The following SNX3 variants were observed in gnomAD, a reference collection of about 807,000 sequenced individuals.
SNX3 encodes sorting nexin-3.
A neutral mutation model predicts 17.7 loss-of-function variants in SNX3; 5 were observed. The observed-to-expected ratio is 0.28, with a 90% CI of 0.15 to 0.59. SNX3 has a LOEUF of 0.59. Ranked by LOEUF, SNX3 falls within the 20% of genes least tolerant of loss-of-function variation. SNX3 has a pLI of 0.88. For missense variants in SNX3, 132 were observed against 206.8 expected (o/e 0.64, Z 2.22); for synonymous variants, 91 against 76.5 (o/e 1.19, Z -0.99).
intron 1 of SNX3, among the ~76,000 whole-genome samples, chr6:108,224,120 C>T (rs1401934165): frequency 6.6e-6 from 1 of 152,044 alleles, no homozygotes; most frequent in Non-Finnish European, 1.5e-5. Flanking sequence ...TATCACACTG[C>T]CCGTTGATGT....
At chr6:108,248,881 C>G (rs1309667776) in intron 1 of SNX3, among the ~76,000 whole-genome samples, 1 of 152,086 alleles carries the variant, frequency 6.6e-6, no homozygotes, top group African/African-American at 2.4e-5. Context: ...CCACCTCAAC[C>G]TCCTGAGTAG....
intron 2 of SNX3, chr6:108,222,364 T>G (rs889478896): frequency 3.9e-5 from 51 of 1,300,448 alleles, no homozygotes; most frequent in Non-Finnish European, 5.1e-5. Context: ...TTAATTTATT[T>G]TGATGCCAAA....
chr6:108,235,671 G>C (rs1775306021), intron 1 of SNX3, among the ~76,000 whole-genome samples: 1 of 152,164 alleles, frequency 6.6e-6, no homozygotes, highest in Non-Finnish European at 1.5e-5. Flanking sequence ...CGAGGTGGGT[G>C]AATCACTTGA....
chr6:108,212,102 G>T lies in SNX3; in HGVS notation c.*47C>A. ...TAAAAGTTAGAACTTCTTCACTGGT[G>T]CTTATCAATCATTAATAGTCACGTT... On this transcript the variant is annotated 3_prime_UTR_variant, in exon 4 of 4. Transcript: ENST00000230085. 1.0e-6 allele frequency: 1 copy of T among 983,352 alleles called. No individual in the cohort carries two copies. The highest frequency in any genetic ancestry group is 1.6e-6 in the Non-Finnish European group (1 of 631,442). The allele number at this position is 983,352 out of a possible 1,614,324, so 60.9% of individuals were successfully genotyped here. A position where few individuals can be genotyped will look rare whatever the true frequency, so the allele number is the denominator to read the frequency against.
intron 1 of SNX3, among the ~76,000 whole-genome samples, chr6:108,249,036 T>A (rs1384500957): frequency 6.6e-6 from 1 of 152,168 alleles, no homozygotes; most frequent in African/African-American, 2.4e-5. Context: ...CATTGCCATA[T>A]TACATAGGGG....
chr6:108,223,894 C>G (rs1465567614), intron 1 of SNX3, among the ~76,000 whole-genome samples: 1 of 152,122 alleles, frequency 6.6e-6, no homozygotes, highest in Non-Finnish European at 1.5e-5. Context: ...AGGATATTTA[C>G]ATAAATGTAG....
chr6:108,247,303 G>A (rs1775720417), intron 1 of SNX3, among the ~76,000 whole-genome samples: 1 of 152,016 alleles, frequency 6.6e-6, no homozygotes, highest in African/African-American at 2.4e-5. Flanking sequence ...TGTGAAAATG[G>A]AGTAAGACAG....
At chr6:108,228,933 T>C (rs1183883103) in intron 1 of SNX3, among the ~76,000 whole-genome samples, 2 of 152,168 alleles carry the variant, frequency 1.3e-5, no homozygotes, top group Non-Finnish European at 2.9e-5. Context: ...AGCCATAGGT[T>C]AATCAGAAAA....
At chr6:108,247,543 C>CA (rs1775728620) in intron 1 of SNX3, among the ~76,000 whole-genome samples, 1 of 150,946 alleles carries the variant, frequency 6.6e-6, no homozygotes, top group African/African-American at 2.4e-5. Flanking sequence ...AATTAAAAAA[C>CA]AAAAAACAAA....
intron 1 of SNX3, among the ~76,000 whole-genome samples, chr6:108,223,494 G>C: frequency 1.0e-5 from 1 of 99,336 alleles, no homozygotes; most frequent in African/African-American, 5.0e-5. Flanking sequence ...AACTTTGCTA[G>C]TTCTTTTTTT....
intron 1 of SNX3, among the ~76,000 whole-genome samples, chr6:108,256,064 T>C (rs556653882): frequency 6.6e-6 from 1 of 152,188 alleles, no homozygotes; most frequent in African/African-American, 2.4e-5. Context: ...ATCTCGTCTC[T>C]ACAAATAATT....
At chr6:108,260,464 C>G (rs561936245) in intron 1 of SNX3, among the ~76,000 whole-genome samples, 76 of 152,166 alleles carry the variant, frequency 5.0e-4, no homozygotes, top group South Asian at 2.7e-3. Context: ...AAAGATCTAC[C>G]CCTTTCCAAC....
chr6:108,228,278 G>A (rs1775033104), intron 1 of SNX3, among the ~76,000 whole-genome samples: 1 of 152,124 alleles, frequency 6.6e-6, no homozygotes, highest in Non-Finnish European at 1.5e-5. Context: ...GCTGGGCGTG[G>A]TGGCTCATGC....
intron 1 of SNX3, among the ~76,000 whole-genome samples, chr6:108,236,322 C>CTA (rs144226237): frequency 0.026 from 3,892 of 150,328 alleles, 134 homozygotes; most frequent in South Asian, 0.096. Flanking sequence ...GTCTCTCTCT[C>CTA]TACCTCTCTT....
intron 2 of SNX3, among the ~76,000 whole-genome samples, chr6:108,217,475 T>A (rs763988135): frequency 6.6e-6 from 1 of 152,124 alleles, no homozygotes; most frequent in Non-Finnish European, 1.5e-5. Context: ...TAACACCAGG[T>A]TGGGTGCGGT....
rs113781421 is a variant in SNX3, at chr6:108,258,417, C to T, written c.162+2343G>A. Among the ~76,000 whole-genome samples, 223 of 150,804 alleles carry T rather than the reference C, an allele frequency of 1.5e-3. 2 individuals are homozygous for T. The highest frequency in any genetic ancestry group is 4.9e-3 in the African/African-American group (202 of 40,976). ...AGGTTGCTGTGAGCCAAAATAGCGCCGCTGCACTGCAGCCTGGGCAACAGA... is the reference window on the plus strand; with the variant it reads ...AGGTTGCTGTGAGCCAAAATAGCGCTGCTGCACTGCAGCCTGGGCAACAGA... On this transcript the variant is annotated intron_variant, in intron 1 of 3. Coordinates refer to ENST00000230085, the MANE Select transcript of SNX3 (RefSeq NM_003795.6).
At chr6:108,258,349 T>G (rs1776090262) in intron 1 of SNX3, among the ~76,000 whole-genome samples, 2 of 151,206 alleles carry the variant, frequency 1.3e-5, no homozygotes, top group Non-Finnish European at 2.9e-5. Flanking sequence ...TCCCAGCTAC[T>G]CAGGAGGCTG....
At chr6:108,229,463 G>C (rs1009618492) in intron 1 of SNX3, among the ~76,000 whole-genome samples, 3 of 131,588 alleles carry the variant, frequency 2.3e-5, no homozygotes, top group Admixed American at 7.9e-5. Flanking sequence ...TTTAGAGACA[G>C]GGTCTCCCTA....
At chr6:108,240,173 A>C (rs988241519) in intron 1 of SNX3, among the ~76,000 whole-genome samples, 4 of 152,210 alleles carry the variant, frequency 2.6e-5, no homozygotes, top group Non-Finnish European at 5.9e-5. Flanking sequence ...TTCAAGAAAA[A>C]CTACTCAACT....
Sources: gnomAD v4.1 joint callset for allele counts (sites outside exome capture counted in the v4.1 genomes callset) on GRCh38, gnomAD v4.1.1 for gene constraint, MANE v1.5 for transcripts, NCBI Gene and HGNC (gene_info 2026-07-23, HGNC 2026-07-21) for gene names.